ACTN1: variants seen among roughly 807,000 people sequenced by gnomAD.
The protein encoded by ACTN1 is alpha-actinin-1.
A neutral mutation model predicts 119.6 loss-of-function variants in ACTN1; 30 were observed. The observed-to-expected ratio is 0.25, with a 90% CI of 0.19 to 0.34. The LOEUF is 0.34. Among genes scored for constraint, ACTN1 ranks in the 10% least tolerant of loss-of-function variants. The pLI is 1.00. For missense variants in ACTN1, 764 were observed against 1,223.4 expected (o/e 0.62, Z 5.60); for synonymous variants, 429 against 472.6 (o/e 0.91, Z 1.20).
At chr14:68,949,267 A>G (rs36048264) in intron 1 of ACTN1, among the ~76,000 whole-genome samples, 76,210 of 152,066 alleles carry the variant, frequency 0.5, 20,311 homozygotes, top group East Asian at 0.94. Context: ...GTGCCTCCCC[A>G]GGGCTCCCAG....
intron 11 of ACTN1, chr14:68,886,451 G>A (rs1377585316): frequency 6.6e-6 from 1 of 152,202 alleles, no homozygotes; most frequent in East Asian, 1.9e-4. Flanking sequence ...TCCTTATGTG[G>A]ATATTCTTTG....
intron 8 of ACTN1, among the ~76,000 whole-genome samples, chr14:68,895,419 A>G (rs1185592731): frequency 2.0e-5 from 3 of 152,102 alleles, no homozygotes; most frequent in Non-Finnish European, 2.9e-5. Context: ...TGTCTAGGAG[A>G]CCTGGAGCCC....
At chr14:68,907,526 T>C (rs1192420065) in intron 6 of ACTN1, among the ~76,000 whole-genome samples, 7 of 152,104 alleles carry the variant, frequency 4.6e-5, no homozygotes, top group African/African-American at 1.7e-4. Flanking sequence ...ATCACGCCAT[T>C]GCACTCCAGC....
chr14:68,935,531 G>C (rs1356752571), intron 1 of ACTN1, among the ~76,000 whole-genome samples: 1 of 151,406 alleles, frequency 6.6e-6, no homozygotes, highest in African/African-American at 2.4e-5. Context: ...GACTACAGGC[G>C]CGTGCCACCA....
chr14:68,978,226 G>A, intron 1 of ACTN1: 2 of 456,218 alleles, frequency 4.4e-6, no homozygotes, highest in Non-Finnish European at 4.4e-6. Flanking sequence ...CCTTTCCCGG[G>A]GGTCGGAGGG....
chr14:68,892,337 C>A (rs1029082839), intron 9 of ACTN1, 54 bp from the exon 10 acceptor site: 1 of 1,549,654 alleles, frequency 6.5e-7, no homozygotes, highest in African/African-American at 1.4e-5. Flanking sequence ...AGGGAGTGTG[C>A]TAGGGCCAGC....
rs1365405872 is a variant in ACTN1 at position 68,874,955 on chromosome 14, G to A, written c.2649C>T (p.Ile883=). ...GGCCGGTGTAGGGGGCCATCCGCGC[G>A]ATGCAGTACTCAGCCTGGTCGGGTG... is the stretch of plus-strand genomic sequence containing the variant. ...ELPPDQAEYC[I]ARMAPYTGPD... Residue 883 remains isoleucine, a synonymous_variant, in exon 22 of 22, where the codon ATC becomes ATT. Transcript: ENST00000394419. The A allele has an allele frequency of 1.2e-6, 2 of 1,613,710 alleles. No homozygotes were observed. Among genetic ancestry groups the A allele is most frequent in the East Asian group, 2.2e-5 (1 of 44,850 alleles).
chr14:68,963,250 C>G (rs1050145460), intron 1 of ACTN1, among the ~76,000 whole-genome samples: 1 of 152,198 alleles, frequency 6.6e-6, no homozygotes, highest in African/African-American at 2.4e-5. Flanking sequence ...ACTCCATTCT[C>G]TATACCAGAT....
At chr14:68,876,956 G>C in intron 21 of ACTN1, 126 bp downstream of exon 21, 7 of 1,161,670 alleles carry the variant, frequency 6.0e-6, no homozygotes, top group Non-Finnish European at 8.5e-6. Context: ...TGGCAAACAA[G>C]GAGAGGCCAA....
chr14:68,877,466 G>C (rs1447097101), intron 20 of ACTN1: 1 of 532,802 alleles, frequency 1.9e-6, no homozygotes, highest in Non-Finnish European at 3.3e-6. Flanking sequence ...GTTCCTCTTA[G>C]AGCAAATAAT....
Position 68,878,870 on chromosome 14 carries a change from C to T in ACTN1, c.2361+119G>A. 6.3e-7 allele frequency: 1 copy of T among 1,597,072 alleles called. No individual in the cohort carries two copies. The highest frequency in any genetic ancestry group is 8.5e-7 in the Non-Finnish European group (1 of 1,177,858). On this transcript the variant is annotated intron_variant, in intron 19 of 21. Coordinates refer to ENST00000394419, the MANE Select transcript of ACTN1 (RefSeq NM_001130004.2). This position sits in a 1 kb window ranked among gnomAD's most constrained non-coding sequence, Gnocchi z 4.4. ...GACAGAGACAGCAGGAGAGGACGAG[C>T]CCCATGGCCCACAGGAGGGGGACAG...
chr14:68,924,827 G>T (rs1300568498), intron 2 of ACTN1, among the ~76,000 whole-genome samples: 1 of 152,220 alleles, frequency 6.6e-6, no homozygotes, highest in Non-Finnish European at 1.5e-5. Flanking sequence ...TCCCAGCTTG[G>T]GTGCAGAAGA....
chr14:68,890,111 G>C, intron 11 of ACTN1, 28 bp downstream of exon 11: 1 of 1,601,460 alleles, frequency 6.2e-7, no homozygotes, highest in Non-Finnish European at 8.5e-7. Context: ...AAGCCCTGGG[G>C]GGAGGCAGGA....
intron 8 of ACTN1, among the ~76,000 whole-genome samples, chr14:68,901,800 A>AATCTC (rs1445217414): frequency 1.3e-5 from 2 of 152,170 alleles, no homozygotes; most frequent in Non-Finnish European, 2.9e-5. Context: ...ACTGAACTTT[A>AATCTC]ATCTCAGGCC....
chr14:68,884,989 C>A, intron 12 of ACTN1, 106 bp from the exon 13 acceptor site: 1 of 909,626 alleles, frequency 1.1e-6, no homozygotes, highest in South Asian at 1.5e-5. Flanking sequence ...CTGGGAAGAG[C>A]CAGGGGCGCT....
At chr14:68,897,264 G>A (rs1286366572) in intron 8 of ACTN1, among the ~76,000 whole-genome samples, 1 of 152,232 alleles carries the variant, frequency 6.6e-6, no homozygotes, top group Admixed American at 6.5e-5. Flanking sequence ...GATTACAGGT[G>A]TGAGCCTCTG....
At chr14:68,890,308 G>A (rs761494403) in intron 10 of ACTN1, 22 bp from the exon 11 acceptor site, 8 of 1,613,486 alleles carry the variant, frequency 5.0e-6, no homozygotes, top group Non-Finnish European at 6.8e-6. Flanking sequence ...GGAGGTACAG[G>A]GTCAGGGTCT....
chr14:68,879,667 C>A lies in ACTN1; in HGVS notation c.2280+295G>T, dbSNP rs1194687626. Reference sequence around the variant, plus strand: ...GTCTCCACAGCCAGGGAGCAGCAAGCCTTCACTGAGGGTGACTCCTCATGG... The same window carrying A: ...GTCTCCACAGCCAGGGAGCAGCAAGACTTCACTGAGGGTGACTCCTCATGG... On this transcript the variant is annotated intron_variant, in intron 18 of 21. Transcript: ENST00000394419. The surrounding 1 kb of genome is among the most constrained non-coding windows in gnomAD (Gnocchi z 4.9). 1.3e-5 allele frequency among the ~76,000 whole-genome samples: 2 copies of A among 152,178 alleles called. No individual in the cohort carries two copies. Among genetic ancestry groups the A allele is most frequent in the African/African-American group, 4.8e-5 (2 of 41,442 alleles).
intron 6 of ACTN1, among the ~76,000 whole-genome samples, chr14:68,908,049 G>A (rs982485292): frequency 6.6e-6 from 1 of 151,860 alleles, no homozygotes; most frequent in Non-Finnish European, 1.5e-5. Context: ...GAGGAGGTGG[G>A]CCAAGGATCC....
Sources: gnomAD v4.1 joint callset for allele counts (sites outside exome capture counted in the v4.1 genomes callset) on GRCh38, gnomAD v4.1.1 for gene constraint, Gnocchi (gnomAD v3.1) non-coding constraint, MANE v1.5 for transcripts, NCBI Gene and HGNC (gene_info 2026-07-23, HGNC 2026-07-21) for gene names.